Variants in HECW1 observed in about 807,000 individuals in gnomAD.
HECW1 encodes E3 ubiquitin-protein ligase HECW1.
A neutral mutation model predicts 182.3 loss-of-function variants in HECW1; 61 were observed. The observed-to-expected ratio is 0.33, with a 90% CI of 0.27 to 0.41. The LOEUF is 0.41. Among genes scored for constraint, HECW1 ranks in the 10% least tolerant of loss-of-function variants. The pLI, the probability that HECW1 is intolerant of heterozygous loss-of-function variation, is 1.00. For missense variants in HECW1, 1,739 were observed against 2,108.9 expected, an observed-to-expected ratio of 0.82 and a Z score of 3.44; for synonymous variants, 859 against 832.6, an observed-to-expected ratio of 1.03 and a Z score of -0.55.
At chr7:43,431,454 C>T (rs1434508232) in intron 8 of HECW1, among the ~76,000 whole-genome samples, 6 of 152,142 alleles carry the variant, frequency 3.9e-5, no homozygotes, top group East Asian at 1.9e-4. Context: ...CTCTCACTGA[C>T]ATTTAACCAG....
intron 5 of HECW1, among the ~76,000 whole-genome samples, chr7:43,354,187 TAA>T (rs34351679): frequency 1.8e-4 from 22 of 121,674 alleles, no homozygotes; most frequent in African/African-American, 5.1e-4. Flanking sequence ...TATCCAATAA[TAA>T]AAAAAAAAAA....
chr7:43,311,656 C>A, intron 3 of HECW1, 107 bp from the exon 4 acceptor site: 2 of 986,804 alleles, frequency 2.0e-6, no homozygotes, highest in Non-Finnish European at 1.6e-6. Flanking sequence ...AGCAGGGCAG[C>A]TCACTCACAG....
chr7:43,380,349 C>T (rs912140648), intron 6 of HECW1, among the ~76,000 whole-genome samples: 5 of 152,160 alleles, frequency 3.3e-5, no homozygotes, highest in African/African-American at 9.7e-5. Flanking sequence ...CAGGAATGAG[C>T]CACTGTGCCC....
Position 43,445,137 on chromosome 7 carries a change from G to A in HECW1, c.1965G>A (p.Gly655=), listed in dbSNP as rs2152878497. The A allele has an allele frequency of 6.2e-7, 1 of 1,609,958 alleles. No individual in the cohort carries two copies. The highest frequency in any genetic ancestry group is 8.5e-7 in the Non-Finnish European group (1 of 1,178,836). Residue 655 remains glycine (G), a synonymous_variant, in exon 11 of 30, where the codon GGG becomes GGA. Transcript: ENST00000395891. ...ATGGCGACACGCACCCCAGCACCGG[G>A]AGCGAGAGCGACTCCAGCCCCAGGC... ...AQDGDTHPST[G]SESDSSPRQG...
intron 2 of HECW1, among the ~76,000 whole-genome samples, chr7:43,238,224 C>T (rs755939182): frequency 1.3e-5 from 2 of 152,104 alleles, no homozygotes; most frequent in African/African-American, 2.4e-5. Flanking sequence ...AGCAATAAAG[C>T]GCTGCATTGG....
chr7:43,211,619 T>C (rs1796017791), intron 2 of HECW1, among the ~76,000 whole-genome samples: 1 of 152,156 alleles, frequency 6.6e-6, no homozygotes, highest in Non-Finnish European at 1.5e-5. Flanking sequence ...TCTATTCTTT[T>C]CTAAAATTGA....
chr7:43,124,629 G>T (rs1283481221), intron 2 of HECW1, among the ~76,000 whole-genome samples: 3 of 152,124 alleles, frequency 2.0e-5, no homozygotes, highest in African/African-American at 7.2e-5. Context: ...TCTTTTCAGG[G>T]GCTGTCCTCA....
At chr7:43,198,040 A>G (rs112022689) in intron 2 of HECW1, among the ~76,000 whole-genome samples, 5 of 151,570 alleles carry the variant, frequency 3.3e-5, no homozygotes, top group African/African-American at 1.2e-4. Context: ...CTACACATAC[A>G]CACACCATAG....
At chr7:43,337,966 G>A (rs2152798144) in intron 5 of HECW1, among the ~76,000 whole-genome samples, 1 of 152,346 alleles carries the variant, frequency 6.6e-6, no homozygotes, top group East Asian at 1.9e-4. Flanking sequence ...CACCATGCCA[G>A]ATGGCCTGGC....
At chr7:43,219,720 A>G (rs1227874893) in intron 2 of HECW1, among the ~76,000 whole-genome samples, 1 of 152,228 alleles carries the variant, frequency 6.6e-6, no homozygotes, top group Non-Finnish European at 1.5e-5. Flanking sequence ...TATAGATAAC[A>G]TAATTGATTA....
At chr7:43,346,402 A>G (rs1813693509) in intron 5 of HECW1, among the ~76,000 whole-genome samples, 1 of 151,986 alleles carries the variant, frequency 6.6e-6, no homozygotes, top group Non-Finnish European at 1.5e-5. Context: ...GTCCTTTGTC[A>G]GATGTATAGA....
chr7:43,331,025 G>A (rs1185326356), intron 5 of HECW1, among the ~76,000 whole-genome samples: 1 of 152,000 alleles, frequency 6.6e-6, no homozygotes, highest in Non-Finnish European at 1.5e-5. Flanking sequence ...TAGGGTACAT[G>A]TGCACAACGT....
At chr7:43,341,647 C>T (rs981568215) in intron 5 of HECW1, among the ~76,000 whole-genome samples, 32 of 151,708 alleles carry the variant, frequency 2.1e-4, no homozygotes, top group Non-Finnish European at 3.4e-4. Flanking sequence ...ATACAAACAT[C>T]TACTGTTTAT....
intron 7 of HECW1, among the ~76,000 whole-genome samples, chr7:43,406,904 A>C (rs911618247): frequency 2.0e-5 from 3 of 152,072 alleles, no homozygotes; most frequent in African/African-American, 7.2e-5. Flanking sequence ...GGGTGACTCC[A>C]TCTCAAAAAA....
At position 43,466,619 on chromosome 7, in the gene HECW1, A is replaced by G. The variant is rs764451367; in HGVS notation, c.2913+51A>G. Reference sequence around the variant, plus strand: ...GCGGCCTGGCTCGGCAAGACCCAAAACACAGCTTTGTAAAGTCATCTGATA... The same window carrying G: ...GCGGCCTGGCTCGGCAAGACCCAAAGCACAGCTTTGTAAAGTCATCTGATA... On this transcript the variant is annotated intron_variant, in intron 15 of 29. Transcript: ENST00000395891. 2.5e-6 allele frequency: 4 copies of G among 1,586,820 alleles called. No homozygotes were observed. The African/African-American group carries it at 5.4e-5, about 21-fold the overall frequency.
intron 17 of HECW1, 65 bp downstream of exon 17, chr7:43,479,809 A>C (rs2078357042): frequency 6.3e-7 from 1 of 1,585,756 alleles, no homozygotes; most frequent in African/African-American, 1.3e-5. Flanking sequence ...CCATGGGAGC[A>C]GAACAGTTCT....
chr7:43,266,198 A>T (rs1801773422), intron 3 of HECW1, among the ~76,000 whole-genome samples: 1 of 152,054 alleles, frequency 6.6e-6, no homozygotes, highest in Non-Finnish European at 1.5e-5. Context: ...TCCTCTGTTG[A>T]CAGCCCCCCA....
rs1306872241 is a variant in HECW1, at chr7:43,405,666, A to G, written c.632-1896A>G. 2.6e-5 allele frequency among the ~76,000 whole-genome samples: 4 copies of G among 152,284 alleles called. No homozygotes were observed. In the South Asian group the frequency reaches 8.3e-4, roughly 32 times the overall value. On this transcript the variant is annotated intron_variant, in intron 7 of 29. Coordinates refer to ENST00000395891, the MANE Select transcript of HECW1 (RefSeq NM_015052.5). ...CACATCAAACTTCCGGCCTCCCAGA[A>G]GGAAAGCAGTGTTCACCATAAGCCA... is the stretch of plus-strand genomic sequence containing the variant.
intron 2 of HECW1, among the ~76,000 whole-genome samples, chr7:43,117,534 A>G (rs1015238901): frequency 6.6e-6 from 1 of 151,320 alleles, no homozygotes; most frequent in African/African-American, 2.4e-5. Context: ...CCAAGTTAAG[A>G]CACAATGAGA....
Sources: allele counts gnomAD v4.1 joint callset (sites outside exome capture counted in the v4.1 genomes callset), GRCh38; gene constraint gnomAD v4.1.1; transcripts MANE v1.5; gene names NCBI Gene and HGNC (gene_info 2026-07-23, HGNC 2026-07-21).